Variants in WDR27 observed in about 807,000 individuals in gnomAD.
WDR27 encodes WD repeat domain 27, also known as WD repeat-containing protein 27.
WDR27 carries 100 observed loss-of-function variants against 114.4 expected under a neutral mutation model. That is an observed-to-expected ratio of 0.87 (90% confidence interval 0.74 to 1.03). WDR27 has a LOEUF of 1.03. Ranked by LOEUF, WDR27 falls within the 50% of genes least tolerant of loss-of-function variation. The pLI is 0.00. For missense variants in WDR27, 1,129 were observed against 1,092.9 expected, an observed-to-expected ratio of 1.03 and a Z score of -0.47; for synonymous variants, 449 against 423.1, an observed-to-expected ratio of 1.06 and a Z score of -0.75.
chr6:169,594,680 G>A (rs1020629170), intron 23 of WDR27, among the ~76,000 whole-genome samples: 2 of 151,978 alleles, frequency 1.3e-5, no homozygotes, highest in Non-Finnish European at 2.9e-5. Context: ...TAATTTTTTG[G>A]TTGAATTGTG....
intron 25 of WDR27, among the ~76,000 whole-genome samples, chr6:169,466,885 C>T (rs1395441439): frequency 6.6e-6 from 1 of 152,170 alleles, no homozygotes; most frequent in Non-Finnish European, 1.5e-5. Flanking sequence ...AGTCCAAAGT[C>T]TCATCTGAGA....
chr6:169,643,746 C>G lies in WDR27; in HGVS notation c.1698G>C (p.Leu566=). 6.2e-7 allele frequency: 1 copy of G among 1,613,728 alleles called. No homozygotes were observed. ...QWLACGLANH[L]LLVFDASLTG... is the part of the protein sequence containing the mutation. ...TCAGGCTGGCATCAAAAACGAGTAA[C>G]AGATGGTTGGCCAACCCACAGGCCA... The change falls in exon 17 of 26, where the codon CTG becomes CTC. Residue 566 remains leucine, a synonymous_variant. Coordinates refer to ENST00000448612, the MANE Select transcript of WDR27 (RefSeq NM_182552.5).
intron 23 of WDR27, among the ~76,000 whole-genome samples, chr6:169,593,341 G>A (rs1474669045): frequency 1.3e-5 from 2 of 152,118 alleles, no homozygotes; most frequent in Non-Finnish European, 1.5e-5. Flanking sequence ...TACTTTGGGG[G>A]CCAGTTTGAT....
chr6:169,569,166 T>A (rs749521001), intron 25 of WDR27, among the ~76,000 whole-genome samples: 48 of 152,250 alleles, frequency 3.2e-4, no homozygotes, highest in Non-Finnish European at 5.6e-4. Flanking sequence ...GAGTTTCTGA[T>A]GCACCAAGAT....
In WDR27 at chr6:169,647,834, C is replaced by T. The variant is rs377587822; in HGVS notation, c.1596G>A (p.Lys532=). Residue 532 remains lysine, a synonymous_variant, in exon 16 of 26, where the codon AAG becomes AAA. Coordinates refer to ENST00000448612, the MANE Select transcript of WDR27 (RefSeq NM_182552.5). ...AYPVECAVPT[K]PGPQVAAAPT... Reference sequence around the variant, plus strand: ...GGGCGGCAGCGACCTGGGGGCCGGGCTTGGTGGGCACAGCGCACTCCACGG... The same window carrying T: ...GGGCGGCAGCGACCTGGGGGCCGGGTTTGGTGGGCACAGCGCACTCCACGG... 41 of 1,582,068 alleles carry T rather than the reference C, an allele frequency of 2.6e-5. No individual in the cohort carries two copies. The highest frequency in any genetic ancestry group is 3.2e-5 in the Non-Finnish European group (37 of 1,164,972).
the WDR27 span, among the ~76,000 whole-genome samples, chr6:169,450,994 C>T: frequency 6.6e-6 from 1 of 152,142 alleles, no homozygotes; most frequent in Non-Finnish European, 1.5e-5. Context: ...GGAGCTGCCT[C>T]CCATCCTATT....
intron 25 of WDR27, among the ~76,000 whole-genome samples, chr6:169,468,724 C>A (rs911524870): frequency 2.6e-5 from 4 of 152,254 alleles, no homozygotes; most frequent in East Asian, 1.9e-4. Context: ...TTAACAAGCT[C>A]TTTTGCCAGA....
At chr6:169,647,961 C>T in intron 15 of WDR27, 91 bp from the exon 16 acceptor site, 1 of 824,136 alleles carries the variant, frequency 1.2e-6, no homozygotes, top group Non-Finnish European at 1.9e-6. Context: ...GGGCTTCCCC[C>T]CATCTACATG....
At chr6:169,632,453 G>A (rs994277116) in intron 21 of WDR27, among the ~76,000 whole-genome samples, 2 of 152,128 alleles carry the variant, frequency 1.3e-5, no homozygotes, top group Admixed American at 6.5e-5. Flanking sequence ...CTTTTGAACC[G>A]TGCAGCTATC....
In WDR27 at chr6:169,580,933, T is replaced by TTATATATATATA. The variant is rs1220748162; in HGVS notation, c.2523+1891_2523+1902dup. 5.6e-3 allele frequency among the ~76,000 whole-genome samples: 298 copies of TTATATATATATA among 53,590 alleles called. 1 individual carries two copies. The highest frequency in any genetic ancestry group is 0.038 in the East Asian group (37 of 964). 35.2% of individuals were successfully genotyped at this position (53,590 alleles called of 152,430 possible). ...TTAAAAATAAGGAACTTAGTGAATT[T>TTATATATATATA]TATATATATATATATATATACATAT... On this transcript the variant is annotated intron_variant, in intron 24 of 25. Transcript: ENST00000448612.
intron 2 of WDR27, among the ~76,000 whole-genome samples, chr6:169,675,396 T>C (rs1051283310): frequency 2.0e-5 from 3 of 152,240 alleles, no homozygotes; most frequent in Non-Finnish European, 4.4e-5. Context: ...AGCCAAGCAT[T>C]TGTTGGTGCC....
chr6:169,607,393 T>C (rs201287418), intron 22 of WDR27, among the ~76,000 whole-genome samples: 74 of 99,486 alleles, frequency 7.4e-4, no homozygotes, highest in African/African-American at 1.3e-3. Flanking sequence ...TGTGTGTGTA[T>C]ACACACACAC....
chr6:169,577,590 C>G (rs926524774), intron 24 of WDR27, among the ~76,000 whole-genome samples: 10 of 152,170 alleles, frequency 6.6e-5, no homozygotes, highest in Non-Finnish European at 1.3e-4. Flanking sequence ...ACGGCGCCTC[C>G]GGAAGCCAGA....
intron 1 of WDR27, among the ~76,000 whole-genome samples, chr6:169,695,126 A>G (rs1375285803): frequency 6.6e-6 from 1 of 152,176 alleles, no homozygotes; most frequent in Non-Finnish European, 1.5e-5. Context: ...GTAAACAAAA[A>G]CTTTAATGGA....
intron 25 of WDR27, among the ~76,000 whole-genome samples, chr6:169,540,998 T>C (rs1248086212): frequency 1.3e-5 from 2 of 152,220 alleles, no homozygotes; most frequent in Non-Finnish European, 2.9e-5. Context: ...AAGAAATCTT[T>C]ATTCTAGCCT....
the WDR27 span, among the ~76,000 whole-genome samples, chr6:169,445,173 A>G: frequency 4.1e-4 from 63 of 152,336 alleles, no homozygotes; most frequent in African/African-American, 1.5e-3. Flanking sequence ...CTATCATAAG[A>G]ATTGTCACAC....
intron 25 of WDR27, among the ~76,000 whole-genome samples, chr6:169,564,609 C>T (rs1293732471): frequency 1.3e-5 from 2 of 152,148 alleles, no homozygotes; most frequent in Non-Finnish European, 2.9e-5. Flanking sequence ...TGCTGGGCTG[C>T]GAGTAAGGTG....
chr6:169,692,988 G>A (rs138519917), intron 1 of WDR27, among the ~76,000 whole-genome samples: 2 of 152,126 alleles, frequency 1.3e-5, no homozygotes, highest in African/African-American at 2.4e-5. Flanking sequence ...ATATTCTCTC[G>A]AAGAACTCCT....
chr6:169,638,688 T>C (rs1357558262), intron 17 of WDR27, 28 bp from the exon 18 acceptor site: 1 of 1,575,648 alleles, frequency 6.3e-7, no homozygotes, highest in African/African-American at 1.4e-5. Flanking sequence ...AGAAGGTTAC[T>C]ATTTCTACTA....
Sources: gnomAD v4.1 joint callset for allele counts (sites outside exome capture counted in the v4.1 genomes callset) on GRCh38, gnomAD v4.1.1 for gene constraint, MANE v1.5 for transcripts, NCBI Gene and HGNC (gene_info 2026-07-23, HGNC 2026-07-21) for gene names.